Variants in FOXN3 observed in about 807,000 individuals in gnomAD.
The protein encoded by FOXN3 is forkhead box protein N3.
Under a neutral mutation model 38.4 loss-of-function variants are expected in FOXN3, and 7 were observed. That is an observed-to-expected ratio of 0.18 (90% CI 0.10 to 0.34). The LOEUF (loss-of-function observed/expected upper bound fraction) is 0.34. Among genes scored for constraint, FOXN3 ranks in the 10% least tolerant of loss-of-function variants. The pLI is 1.00. For missense variants in FOXN3, 456 were observed against 613.4 expected, an observed-to-expected ratio of 0.74 and a Z score of 2.71; for synonymous variants, 230 against 242.2, an observed-to-expected ratio of 0.95 and a Z score of 0.47.
intron 1 of FOXN3, among the ~76,000 whole-genome samples, chr14:89,597,288 T>C (rs1896076306): frequency 6.6e-6 from 1 of 152,182 alleles, no homozygotes; most frequent in Admixed American, 6.5e-5. Context: ...GATTTCTAGC[T>C]TAATGTCACT....
intron 1 of FOXN3, among the ~76,000 whole-genome samples, chr14:89,526,078 C>A (rs1748577937): frequency 6.6e-6 from 1 of 151,508 alleles, no homozygotes; most frequent in Admixed American, 6.6e-5. Flanking sequence ...AACATCTATT[C>A]TTGGTAAAAC....
chr14:89,323,049 G>A (rs1360518912), intron 3 of FOXN3, among the ~76,000 whole-genome samples: 1 of 152,132 alleles, frequency 6.6e-6, no homozygotes, highest in Non-Finnish European at 1.5e-5. Context: ...AGCACTTTGG[G>A]AGGCCAAGTT....
intron 1 of FOXN3, among the ~76,000 whole-genome samples, chr14:89,436,913 G>A (rs571392338): frequency 2.6e-5 from 4 of 152,276 alleles, no homozygotes; most frequent in African/African-American, 7.2e-5. Context: ...TTGGGAGGCC[G>A]AAGCAGGTGG....
Position 89,523,710 on chromosome 14 carries a change from T to C in FOXN3, c.-15+95318A>G, listed in dbSNP as rs1360840582. Among the ~76,000 whole-genome samples, 3 of 152,030 alleles carry C rather than the reference T, an allele frequency of 2.0e-5. No individual in the cohort carries two copies. In the East Asian group the frequency reaches 5.8e-4, roughly 29 times the overall value. ...ACTGCTAAAGCAGACATAGAGGAAA[T>C]TTAAATATCTGTATTCGAAAAGAAA... On this transcript the variant is annotated intron_variant, in intron 1 of 6. Transcript: ENST00000345097.
At chr14:89,367,943 T>A (rs1315696080) in intron 2 of FOXN3, among the ~76,000 whole-genome samples, 2 of 152,182 alleles carry the variant, frequency 1.3e-5, no homozygotes, top group Non-Finnish European at 2.9e-5. Context: ...CCCATGCTCC[T>A]CACCAATTAT....
chr14:89,519,631 T>C (rs1010008251), intron 1 of FOXN3, among the ~76,000 whole-genome samples: 4 of 152,020 alleles, frequency 2.6e-5, no homozygotes, highest in African/African-American at 9.7e-5. Context: ...ATGACACCAA[T>C]AGGAATAGGG....
intron 3 of FOXN3, among the ~76,000 whole-genome samples, chr14:89,297,034 T>C (rs559729000): frequency 2.4e-4 from 37 of 152,298 alleles, no homozygotes; most frequent in African/African-American, 8.4e-4. Flanking sequence ...ATGGCCTTTG[T>C]TATCCCAAAC....
chr14:89,290,965 G>GGGGGGCACAGAAACCCAAGT, intron 3 of FOXN3: 1 of 363,036 alleles, frequency 2.8e-6, no homozygotes, highest in Non-Finnish European at 5.4e-6. Context: ...AAGCGCTGAT[G>GGGGGGCACAGAAACCCAAGT]TGGGTGCTGC....
At chr14:89,355,384 T>G (rs1363317138) in intron 2 of FOXN3, 1 of 112,572 alleles carries the variant, frequency 8.9e-6, no homozygotes, top group Non-Finnish European at 1.9e-5. Flanking sequence ...CCCGCCACTA[T>G]GCCCGACTAT....
At chr14:89,383,797 AT>A (rs11424163) in intron 2 of FOXN3, among the ~76,000 whole-genome samples, 1 of 148,646 alleles carries the variant, frequency 6.7e-6, no homozygotes, top group African/African-American at 2.5e-5. Context: ...TTATGTATTC[AT>A]TTTTTTTTTT....
intron 4 of FOXN3, among the ~76,000 whole-genome samples, chr14:89,237,688 GACCAC>G (rs1885019324): frequency 6.6e-6 from 1 of 152,080 alleles, no homozygotes; most frequent in Non-Finnish European, 1.5e-5. Flanking sequence ...AACAAAAACT[GACCAC>G]CCCTCCCCCT....
chr14:89,501,763 G>C (rs760206305), intron 1 of FOXN3, among the ~76,000 whole-genome samples: 1 of 152,128 alleles, frequency 6.6e-6, no homozygotes, highest in African/African-American at 2.4e-5. Context: ...CAGGAGAATC[G>C]CTTGAACCTG....
chr14:89,269,482 TTTG>T (rs1886082259), intron 4 of FOXN3, among the ~76,000 whole-genome samples: 1 of 151,490 alleles, frequency 6.6e-6, no homozygotes, highest in Non-Finnish European at 1.5e-5. Context: ...TTTGTTTTGT[TTTG>T]TTTTTTTTTT....
At chr14:89,257,720 G>A (rs997244835) in intron 4 of FOXN3, among the ~76,000 whole-genome samples, 5 of 152,240 alleles carry the variant, frequency 3.3e-5, no homozygotes, top group South Asian at 2.1e-4. Context: ...ACTGTACTCC[G>A]GCATGGGTGA....
chr14:89,555,315 TG>T (rs1316085015), intron 1 of FOXN3, among the ~76,000 whole-genome samples: 1 of 152,194 alleles, frequency 6.6e-6, no homozygotes, highest in Admixed American at 6.5e-5. Flanking sequence ...ATGATCAATT[TG>T]CTTCCCGTGA....
At chr14:89,468,963 CA>C (rs1893038713) in intron 1 of FOXN3, among the ~76,000 whole-genome samples, 1 of 152,170 alleles carries the variant, frequency 6.6e-6, no homozygotes, top group Middle Eastern at 3.2e-3. Flanking sequence ...TACCCTGACA[CA>C]AAAGCCAAGT....
chr14:89,288,647 AAAGG>A (rs1886715266), intron 3 of FOXN3, among the ~76,000 whole-genome samples: 1 of 28,304 alleles, frequency 3.5e-5, no homozygotes, highest in Non-Finnish European at 1.2e-4. Flanking sequence ...GACATACTCC[AAAGG>A]CTGTAATAGG....
At chr14:89,517,898 C>A (rs988793296) in intron 1 of FOXN3, among the ~76,000 whole-genome samples, 10 of 152,210 alleles carry the variant, frequency 6.6e-5, no homozygotes, top group African/African-American at 1.9e-4. Context: ...TATTTCTTCA[C>A]TGAAGGCTGA....
intron 3 of FOXN3, among the ~76,000 whole-genome samples, chr14:89,347,673 G>T (rs1000726319): frequency 2.0e-5 from 3 of 152,240 alleles, no homozygotes; most frequent in Non-Finnish European, 4.4e-5. Flanking sequence ...AGAGGCATGG[G>T]CCGGGCGCGG....
Sources: gnomAD v4.1 joint callset for allele counts (sites outside exome capture counted in the v4.1 genomes callset) on GRCh38, gnomAD v4.1.1 for gene constraint, MANE v1.5 for transcripts, NCBI Gene and HGNC (gene_info 2026-07-23, HGNC 2026-07-21) for gene names.